COL12A1: variants seen among roughly 807,000 people sequenced by gnomAD.
The protein encoded by COL12A1 is collagen alpha-1(XII) chain.
COL12A1 carries 114 observed loss-of-function variants against 349.7 expected under a neutral mutation model. That is an observed-to-expected ratio of 0.33 (90% CI 0.28 to 0.38). The LOEUF (loss-of-function observed/expected upper bound fraction) is 0.38. Ranked by LOEUF, COL12A1 falls within the 10% of genes least tolerant of loss-of-function variation. COL12A1 has a pLI of 1.00. For missense variants in COL12A1, 3,284 were observed against 3,756.9 expected (o/e 0.87, Z 3.29); for synonymous variants, 1,369 against 1,329.0 (o/e 1.03, Z -0.66).
chr6:75,165,605 A>T lies in COL12A1; in HGVS notation c.2885T>A (p.Ile962Lys). Residue 962 changes from isoleucine to lysine, a missense_variant, in exon 14 of 66, where the codon ATA becomes AAA. Transcript: ENST00000322507. ...NLPEDAIHTM[I>K]ENLQPETKYR... ...TTTGGTCTCTGGCTGCAGATTTTCT[A>T]TCATCGTATGAATTGCATCTTCAGG... The T allele has an allele frequency of 6.2e-7, 1 of 1,613,958 alleles. No homozygotes were observed. Among genetic ancestry groups the T allele is most frequent in the Non-Finnish European group, 8.5e-7 (1 of 1,179,920 alleles).
chr6:75,202,534 C>G (rs1166964330), intron 2 of COL12A1, among the ~76,000 whole-genome samples, 186 bp downstream of exon 2: 1 of 152,206 alleles, frequency 6.6e-6, no homozygotes, highest in Non-Finnish European at 1.5e-5. Context: ...TACGAAAGAG[C>G]TGGACCTGAG....
In COL12A1 at chr6:75,087,866, G is replaced by A. The variant is rs1346040345; in HGVS notation, c.9011-119C>T. ...AAAATTAGACAATTTACTATTGTAT[G>A]GTAAGAAAATGTTTCCTTAAGAAAT... On this transcript the variant is annotated intron_variant, in intron 64 of 65. Transcript: ENST00000322507. 3 of 1,065,126 alleles carry A rather than the reference G, an allele frequency of 2.8e-6. No individual in the cohort carries two copies. In the East Asian group the frequency reaches 8.3e-5, roughly 30 times the overall value. The allele number at this position is 1,065,126 out of a possible 1,614,324, so 66.0% of individuals were successfully genotyped here.
At position 75,183,517 on chromosome 6, in the gene COL12A1, T is replaced by C; in HGVS notation, c.1424A>G (p.Asn475Ser). 6.2e-7 allele frequency: 1 copy of C among 1,614,178 alleles called. No individual in the cohort carries two copies. The highest frequency in any genetic ancestry group is 8.5e-7 in the Non-Finnish European group (1 of 1,180,032). Residue 475 changes from asparagine (N) to serine (S), a missense_variant, in exon 10 of 66, where the codon AAT becomes AGT. Coordinates refer to ENST00000322507, the MANE Select transcript of COL12A1 (RefSeq NM_004370.6). ...TTGCACAAGACTAATCTGGACCCTA[T>C]TTGGTGAAATTTCAAAACTTTTTAC... ...VLVKSFEISPNRVQISLVQYS... is the reference protein window; with the variant it reads ...VLVKSFEISPSRVQISLVQYS...
At chr6:75,096,155 C>T (rs532045847) in intron 59 of COL12A1, among the ~76,000 whole-genome samples, 2 of 152,178 alleles carry the variant, frequency 1.3e-5, no homozygotes, top group East Asian at 1.9e-4. Flanking sequence ...ATAATATGTA[C>T]TGGCCAATAT....
chr6:75,133,513 G>A, intron 33 of COL12A1, 91 bp from the exon 34 acceptor site: 2 of 1,278,398 alleles, frequency 1.6e-6, no homozygotes, highest in Non-Finnish European at 2.2e-6. Flanking sequence ...TCAAGACCAA[G>A]TCAAGAAGTA....
chr6:75,168,320 T>C (rs1768416661), intron 13 of COL12A1, among the ~76,000 whole-genome samples: 1 of 152,250 alleles, frequency 6.6e-6, no homozygotes, highest in Non-Finnish European at 1.5e-5. Context: ...CAAGTAAATG[T>C]ATAGCCCTTG....
Position 75,085,460 on chromosome 6 carries a change from C to G in COL12A1, c.*1087G>C, listed in dbSNP as rs896233291. ...AATCATCACCCGCGGTGATGGCACT[C>G]CAGTCTTAATCTCATAACTATAAAT... is the stretch of plus-strand genomic sequence containing the variant. On this transcript the variant is annotated 3_prime_UTR_variant, in exon 66 of 66. Coordinates refer to ENST00000322507, the MANE Select transcript of COL12A1 (RefSeq NM_004370.6). 1 of 418,538 alleles carries G rather than the reference C, an allele frequency of 2.4e-6. No homozygotes were observed. The highest frequency in any genetic ancestry group is 5.1e-6 in the Non-Finnish European group (1 of 195,088). The allele number at this position is 418,538 out of a possible 1,614,324, so 25.9% of individuals were successfully genotyped here.
At chr6:75,135,535 A>T (rs1316495359) in intron 31 of COL12A1, among the ~76,000 whole-genome samples, 2 of 152,242 alleles carry the variant, frequency 1.3e-5, no homozygotes, top group Non-Finnish European at 2.9e-5. Context: ...TCTTGTTGAA[A>T]GAAAATTTGT....
intron 56 of COL12A1, 149 bp from the exon 57 acceptor site, chr6:75,102,201 A>G: frequency 1.4e-6 from 1 of 726,704 alleles, no homozygotes. Flanking sequence ...TTGAAAGGAG[A>G]TGAATAAACC....
chr6:75,154,929 G>C lies in COL12A1; in HGVS notation c.3444-392C>G, dbSNP rs959090628. Among the ~76,000 whole-genome samples, 3 of 152,104 alleles carry C rather than the reference G, an allele frequency of 2.0e-5. No individual in the cohort carries two copies. The South Asian group carries it at 6.2e-4, about 31-fold the overall frequency. Reference sequence around the variant, plus strand: ...TGCTGTACCTTGCAAGGTAACATAAGACAATGCCTAACACAATGCCTGACA... The same window carrying C: ...TGCTGTACCTTGCAAGGTAACATAACACAATGCCTAACACAATGCCTGACA... On this transcript the variant is annotated intron_variant, in intron 16 of 65. Coordinates refer to ENST00000322507, the MANE Select transcript of COL12A1 (RefSeq NM_004370.6).
intron 6 of COL12A1, 49 bp downstream of exon 6, chr6:75,189,503 A>G (rs1162074222): frequency 6.3e-7 from 1 of 1,587,122 alleles, no homozygotes; most frequent in Non-Finnish European, 8.6e-7. Context: ...TTCTTTCTGA[A>G]ACAGACATTT....
chr6:75,148,475 G>A lies in COL12A1; in HGVS notation c.4170C>T (p.Asn1390=), dbSNP rs1255876245. The A allele has an allele frequency of 5.6e-6, 9 of 1,613,238 alleles. No homozygotes were observed. The highest frequency in any genetic ancestry group is 8.5e-7 in the Non-Finnish European group (1 of 1,179,442). ...KGPGDLEAPS[N]LVISERTHRS... ...GATGGGTTCGCTCAGAAATAACTAAGTTAGAAGGTGCTTCCAAATCACCTA... is the reference window on the plus strand; with the variant it reads ...GATGGGTTCGCTCAGAAATAACTAAATTAGAAGGTGCTTCCAAATCACCTA... Residue 1390 remains asparagine, a synonymous_variant, in exon 22 of 66, where the codon AAC becomes AAT. Transcript: ENST00000322507.
chr6:75,176,919 T>C (rs1048471466), intron 12 of COL12A1, among the ~76,000 whole-genome samples: 1 of 152,150 alleles, frequency 6.6e-6, no homozygotes, highest in African/African-American at 2.4e-5. Flanking sequence ...TATTAAACAT[T>C]AATAATTTCA....
intron 11 of COL12A1, 117 bp downstream of exon 11, chr6:75,180,822 T>C: frequency 8.1e-7 from 1 of 1,234,842 alleles, no homozygotes; most frequent in Non-Finnish European, 1.1e-6. Context: ...AGATGCCAAA[T>C]CTTACAAAGG....
At chr6:75,205,459 G>T (rs963853627) in intron 1 of COL12A1, among the ~76,000 whole-genome samples, 6 of 151,836 alleles carry the variant, frequency 4.0e-5, no homozygotes, top group Non-Finnish European at 8.8e-5. Context: ...AGAACCCGGC[G>T]CGCCCTCCAT....
intron 42 of COL12A1, 64 bp downstream of exon 42, chr6:75,123,884 T>C: frequency 6.6e-7 from 1 of 1,521,166 alleles, no homozygotes; most frequent in East Asian, 2.3e-5. Flanking sequence ...ACTTAAGTCT[T>C]CCTTACCTAG....
intron 39 of COL12A1, 129 bp downstream of exon 39, chr6:75,126,222 T>C: frequency 9.6e-7 from 1 of 1,046,822 alleles, no homozygotes; most frequent in Non-Finnish European, 1.3e-6. Flanking sequence ...AACATTGCCT[T>C]TGGTTACAGG....
chr6:75,148,288 C>T, intron 22 of COL12A1, 70 bp downstream of exon 22: 1 of 1,469,284 alleles, frequency 6.8e-7, no homozygotes, highest in Non-Finnish European at 9.3e-7. Flanking sequence ...TAACATTATT[C>T]TCAGAGTCCT....
intron 23 of COL12A1, among the ~76,000 whole-genome samples, chr6:75,146,545 C>T (rs1486275692): frequency 6.6e-6 from 1 of 152,172 alleles, no homozygotes; most frequent in Non-Finnish European, 1.5e-5. Context: ...TGATACGTTA[C>T]TCTCTTTTTC....
Sources: allele counts gnomAD v4.1 joint callset (sites outside exome capture counted in the v4.1 genomes callset), GRCh38; gene constraint gnomAD v4.1.1; transcripts MANE v1.5; gene names NCBI Gene and HGNC (gene_info 2026-07-23, HGNC 2026-07-21).